The following NFKBIZ variants were observed in gnomAD, a reference collection of about 807,000 sequenced individuals.
NFKBIZ encodes the protein NF-kappa-B inhibitor zeta.
NFKBIZ carries 19 observed loss-of-function variants against 76.8 expected under a neutral mutation model. That is an observed-to-expected ratio of 0.25 (90% confidence interval 0.17 to 0.36). The LOEUF is 0.36. NFKBIZ is among the 10% of genes least tolerant of loss of function. The pLI is 1.00. For missense variants in NFKBIZ, 829 were observed against 910.9 expected, an observed-to-expected ratio of 0.91 and a Z score of 1.16; for synonymous variants, 368 against 354.8, an observed-to-expected ratio of 1.04 and a Z score of -0.42.
At chr3:101,841,012 A>T (rs1478557588) in intron 2 of NFKBIZ, among the ~76,000 whole-genome samples, 2 of 152,248 alleles carry the variant, frequency 1.3e-5, no homozygotes, top group South Asian at 2.1e-4. Flanking sequence ...CTATACATAC[A>T]GTACTTAACG....
At chr3:101,838,012 G>C (rs1942744555) in intron 2 of NFKBIZ, among the ~76,000 whole-genome samples, 1 of 152,154 alleles carries the variant, frequency 6.6e-6, no homozygotes, top group Non-Finnish European at 1.5e-5. Flanking sequence ...TTATAATTAT[G>C]CTCTTTTGTA....
At chr3:101,831,728 C>T (rs564684099) in intron 2 of NFKBIZ, among the ~76,000 whole-genome samples, 4 of 151,980 alleles carry the variant, frequency 2.6e-5, no homozygotes, top group Non-Finnish European at 4.4e-5. Context: ...GCAAACTCCG[C>T]CTTCCGAGTT....
At chr3:101,856,459 G>T (rs1402747628) in intron 9 of NFKBIZ, among the ~76,000 whole-genome samples, 1 of 152,158 alleles carries the variant, frequency 6.6e-6, no homozygotes, top group African/African-American at 2.4e-5. Flanking sequence ...GTCTTTGAAA[G>T]GTAAAGAAAA....
intron 2 of NFKBIZ, among the ~76,000 whole-genome samples, chr3:101,832,533 T>C (rs912499471): frequency 3.3e-5 from 5 of 152,224 alleles, no homozygotes; most frequent in African/African-American, 9.6e-5. Flanking sequence ...TTGATGACTC[T>C]ACATACCTTA....
intron 1 of NFKBIZ, among the ~76,000 whole-genome samples, chr3:101,829,303 T>C (rs910419973): frequency 1.3e-5 from 2 of 152,160 alleles, no homozygotes; most frequent in African/African-American, 2.4e-5. Flanking sequence ...CGGAAACATT[T>C]GGCAGCATCC....
chr3:101,833,994 G>C (rs1942680806), intron 2 of NFKBIZ, among the ~76,000 whole-genome samples: 1 of 152,178 alleles, frequency 6.6e-6, no homozygotes, highest in African/African-American at 2.4e-5. Flanking sequence ...CTCTTAAAAT[G>C]CAAATAACCT....
At chr3:101,835,738 C>G (rs1034006435) in intron 2 of NFKBIZ, among the ~76,000 whole-genome samples, 1 of 152,192 alleles carries the variant, frequency 6.6e-6, no homozygotes, top group Admixed American at 6.5e-5. Flanking sequence ...TTCTGCGGTA[C>G]TGGGGGTTAG....
intron 2 of NFKBIZ, among the ~76,000 whole-genome samples, chr3:101,833,393 C>T (rs1330443923): frequency 6.6e-6 from 1 of 152,060 alleles, no homozygotes; most frequent in East Asian, 1.9e-4. Context: ...TAGCATAGCA[C>T]AGGGTGACTT....
Position 101,849,575 on chromosome 3 carries a change from C to A in NFKBIZ, c.-54C>A. 7.8e-7 allele frequency: 1 copy of A among 1,290,020 alleles called. No individual in the cohort carries two copies. Among genetic ancestry groups the A allele is most frequent in the Non-Finnish European group, 9.8e-7 (1 of 1,019,774 alleles). 79.9% of individuals were successfully genotyped at this position (1,290,020 alleles called of 1,614,324 possible). ...TGAGCCAGCCCGGGAGGCAGCCGCG[C>A]GCAGCGAGCCGGTGGCGCAGGTGTC... On this transcript the variant is annotated 5_prime_UTR_variant, in exon 1 of 12. Coordinates refer to ENST00000326172, the MANE Select transcript of NFKBIZ (RefSeq NM_031419.4).
Position 101,859,315 on chromosome 3 carries a change from C to T in NFKBIZ, c.2104-3C>T, listed in dbSNP as rs759726624. 2.5e-6 allele frequency: 4 copies of T among 1,612,938 alleles called. No homozygotes were observed. The highest frequency in any genetic ancestry group is 3.4e-6 in the Non-Finnish European group (4 of 1,179,174). On this transcript the variant is annotated splice_polypyrimidine_tract_variant and splice_region_variant and intron_variant, in intron 11 of 11. Transcript: ENST00000326172. Reference sequence around the variant, plus strand: ...TCACAAATTTTATTTGTTTCTCTTCCAGATCCGACGTATCCTGAAGGGAAA... The same window carrying T: ...TCACAAATTTTATTTGTTTCTCTTCTAGATCCGACGTATCCTGAAGGGAAA...
intron 11 of NFKBIZ, chr3:101,857,666 C>T: frequency 1.0e-6 from 1 of 985,440 alleles, no homozygotes; most frequent in Non-Finnish European, 1.2e-6. Flanking sequence ...TATCCATAGA[C>T]TCAAAATGGT....
intron 2 of NFKBIZ, among the ~76,000 whole-genome samples, chr3:101,842,467 A>T (rs909795830): frequency 2.6e-5 from 4 of 152,190 alleles, no homozygotes; most frequent in Non-Finnish European, 5.9e-5. Context: ...CCTGTGGCCC[A>T]TGGGCTGCAT....
At chr3:101,846,134 C>T (rs1942846831), upstream of NFKBIZ, among the ~76,000 whole-genome samples, 2 of 152,194 alleles carry the variant, frequency 1.3e-5, no homozygotes, top group African/African-American at 4.8e-5. Flanking sequence ...GAGCTGCAGT[C>T]ATCTGAAGGC....
At chr3:101,851,700 A>T (rs1942967872) in intron 1 of NFKBIZ, among the ~76,000 whole-genome samples, 1 of 152,204 alleles carries the variant, frequency 6.6e-6, no homozygotes, top group Non-Finnish European at 1.5e-5. Flanking sequence ...GAACTATGAG[A>T]GTCAGGATGG....
In NFKBIZ at chr3:101,857,399, T is replaced by A. The variant is rs772253691; in HGVS notation, c.2043T>A (p.Thr681=). 6.2e-7 allele frequency: 1 copy of A among 1,614,218 alleles called. No individual in the cohort carries two copies. Among genetic ancestry groups the A allele is most frequent in the Non-Finnish European group, 8.5e-7 (1 of 1,180,034 alleles). The change falls in exon 11 of 12, where the codon ACT becomes ACA. Residue 681 remains threonine (T), a synonymous_variant. Transcript: ENST00000326172. ...TGAGGAAGGGAGCAGACCCAAGTAC[T>A]CGGAACTTGGAGAACGAACAGCCAG... ...LLMRKGADPS[T]RNLENEQPVH... is the part of the protein sequence containing the mutation.
chr3:101,835,456 C>T (rs1432546876), intron 2 of NFKBIZ, among the ~76,000 whole-genome samples: 2 of 152,196 alleles, frequency 1.3e-5, no homozygotes, highest in Non-Finnish European at 2.9e-5. Flanking sequence ...GGCTGCGTGG[C>T]TTAAACAACG....
In NFKBIZ at chr3:101,855,823, A is replaced by G. The variant is rs1307555030; in HGVS notation, c.1745A>G (p.Gln582Arg). The G allele has an allele frequency of 6.2e-7, 1 of 1,614,036 alleles. No homozygotes were observed. The highest frequency in any genetic ancestry group is 8.5e-7 in the Non-Finnish European group (1 of 1,180,018). The change falls in exon 9 of 12, where the codon CAG (glutamine) becomes CGG (arginine). Residue 582 changes from glutamine (Q) to arginine (R), a missense_variant. Around this residue, in one of 4 missense-constraint regions of NFKBIZ, gnomAD observed 272 missense variants for 384.2 expected, o/e 0.71. Coordinates refer to ENST00000326172, the MANE Select transcript of NFKBIZ (RefSeq NM_031419.4). ...RNQQPHSPEV[Q>R]ELLLKNKSLV... ...CAACAGCCTCATTCACCTGAAGTTCAGGAGCTTTTACTGAAGAATAAGAGT... is the reference window on the plus strand; with the variant it reads ...CAACAGCCTCATTCACCTGAAGTTCGGGAGCTTTTACTGAAGAATAAGAGT...
intron 2 of NFKBIZ, among the ~76,000 whole-genome samples, chr3:101,834,875 A>G (rs1942695407): frequency 6.6e-6 from 1 of 152,152 alleles, no homozygotes; most frequent in South Asian, 2.1e-4. Context: ...ATGGCTCCCC[A>G]TCACATCTGC....
At position 101,859,407 on chromosome 3, in the gene NFKBIZ, T is replaced by A; in HGVS notation, c.*36T>A. On this transcript the variant is annotated 3_prime_UTR_variant, in exon 12 of 12. Coordinates refer to ENST00000326172, the MANE Select transcript of NFKBIZ (RefSeq NM_031419.4). Reference sequence around the variant, plus strand: ...TTGGAGCCTGGCTAGCAACACTCACTGTCAGTTAGGCAGTCCTGATGTATC... The same window carrying A: ...TTGGAGCCTGGCTAGCAACACTCACAGTCAGTTAGGCAGTCCTGATGTATC... The A allele has an allele frequency of 6.3e-7, 1 of 1,579,718 alleles. No individual in the cohort carries two copies. The highest frequency in any genetic ancestry group is 8.7e-7 in the Non-Finnish European group (1 of 1,148,794).
Sources: allele counts gnomAD v4.1 joint callset (sites outside exome capture counted in the v4.1 genomes callset), GRCh38; gene constraint gnomAD v4.1.1; regional missense constraint gnomAD v4.1.1; transcripts MANE v1.5; gene names NCBI Gene and HGNC (gene_info 2026-07-23, HGNC 2026-07-21).